The following IGSF11 variants were observed in gnomAD, a reference collection of about 807,000 sequenced individuals.
IGSF11 encodes the protein CXADR like 1.
IGSF11 carries 22 observed loss-of-function variants against 41.0 expected under a neutral mutation model. The observed-to-expected ratio is 0.54, with a 90% CI of 0.38 to 0.77. The LOEUF (loss-of-function observed/expected upper bound fraction) is 0.77. Ranked by LOEUF, IGSF11 falls within the 30% of genes least tolerant of loss-of-function variation. The probability of loss-of-function intolerance (pLI) is 0.00; values close to 1 mark genes in which losing one functional copy is unlikely to be tolerated. For missense variants in IGSF11, 444 were observed against 530.8 expected (o/e 0.84, Z 1.61); for synonymous variants, 219 against 201.3 (o/e 1.09, Z -0.74).
At chr3:119,054,493 T>C (rs925390808) in intron 1 of IGSF11, among the ~76,000 whole-genome samples, 1 of 152,110 alleles carries the variant, frequency 6.6e-6, no homozygotes, top group African/African-American at 2.4e-5. Context: ...ACCACCTTAC[T>C]CCTGCAAGAA....
intron 1 of IGSF11, among the ~76,000 whole-genome samples, chr3:119,012,556 C>T (rs1476769819): frequency 6.6e-6 from 1 of 152,152 alleles, no homozygotes; most frequent in Non-Finnish European, 1.5e-5. Context: ...ATACAAATGG[C>T]TATAATTCGG....
intron 1 of IGSF11, among the ~76,000 whole-genome samples, chr3:119,070,886 T>A (rs1354958861): frequency 6.6e-6 from 1 of 152,172 alleles, no homozygotes; most frequent in East Asian, 1.9e-4. Context: ...CATAGCTACT[T>A]TTTTGTCCAA....
In IGSF11 at chr3:119,048,301, A is replaced by C. The variant is rs1439013856; in HGVS notation, c.49+56843T>G. Among the ~76,000 whole-genome samples the C allele has an allele frequency of 3.3e-5, 5 of 152,078 alleles. No individual in the cohort carries two copies. The East Asian group carries it at 5.8e-4, about 18-fold the overall frequency. ...GAAGAATCAAATAGACGCAATAAAAAATGATAAAGGGGATATCACCACCGA... is the reference window on the plus strand; with the variant it reads ...GAAGAATCAAATAGACGCAATAAAACATGATAAAGGGGATATCACCACCGA... On this transcript the variant is annotated intron_variant, in intron 1 of 6. Transcript: ENST00000354673.
In IGSF11 at chr3:119,077,257, A is replaced by G. The variant is rs2076515712; in HGVS notation, c.49+27887T>C. Among the ~76,000 whole-genome samples the G allele has an allele frequency of 3.4e-5, 5 of 149,142 alleles. No homozygotes were observed. The South Asian group carries it at 1.1e-3, about 33-fold the overall frequency. On this transcript the variant is annotated intron_variant, in intron 1 of 6. Coordinates refer to the IGSF11 transcript ENST00000354673. ...CACAGGAAGGGGAACATCACACACC[A>G]GGGCCTGTTGTGGGGTGGGGGAAGG...
At chr3:119,037,789 TAAGAA>T (rs145589265), upstream of IGSF11, among the ~76,000 whole-genome samples, 69 of 152,254 alleles carry the variant, frequency 4.5e-4, no homozygotes, top group East Asian at 0.013. Context: ...GGAACATAAT[TAAGAA>T]AGAAAAATGA....
intron 1 of IGSF11, among the ~76,000 whole-genome samples, chr3:118,940,803 C>T (rs1037245019): frequency 1.4e-4 from 21 of 149,758 alleles, no homozygotes; most frequent in Admixed American, 2.7e-4. Context: ...TTGATTCATA[C>T]ATAAATGGGC....
At chr3:119,096,921 A>G (rs978340244) in intron 1 of IGSF11, among the ~76,000 whole-genome samples, 1 of 152,148 alleles carries the variant, frequency 6.6e-6, no homozygotes, top group Admixed American at 6.5e-5. Flanking sequence ...AGAAGTTCCC[A>G]TGTTTGTAAG....
intron 1 of IGSF11, among the ~76,000 whole-genome samples, chr3:118,977,672 T>C (rs558774867): frequency 1.0e-3 from 159 of 152,254 alleles, no homozygotes; most frequent in African/African-American, 3.6e-3. Context: ...GAGACCCCAG[T>C]GGTCCACATT....
intron 1 of IGSF11, among the ~76,000 whole-genome samples, chr3:119,007,773 AT>A (rs1046999763): frequency 1.3e-5 from 2 of 152,164 alleles, no homozygotes; most frequent in African/African-American, 4.8e-5. Flanking sequence ...CCCTTGCTTT[AT>A]GCCTTCAAAA....
chr3:119,092,120 T>G (rs958200677), intron 1 of IGSF11, among the ~76,000 whole-genome samples: 1 of 151,950 alleles, frequency 6.6e-6, no homozygotes, highest in Non-Finnish European at 1.5e-5. Context: ...CAAGCAATTT[T>G]CATGCCTCAG....
intron 1 of IGSF11, among the ~76,000 whole-genome samples, chr3:119,111,199 T>C (rs12497386): frequency 0.074 from 11,301 of 152,274 alleles, 547 homozygotes; most frequent in Admixed American, 0.16. Context: ...CCAACTTGGT[T>C]CCATTCTCCC....
At chr3:119,084,698 A>G (rs2076641805) in intron 1 of IGSF11, among the ~76,000 whole-genome samples, 1 of 152,200 alleles carries the variant, frequency 6.6e-6, no homozygotes, top group Admixed American at 6.5e-5. Flanking sequence ...AAGCGTGCAT[A>G]CAGTGCAGGC....
chr3:119,128,011 C>T (rs2077425942), intron 1 of IGSF11, among the ~76,000 whole-genome samples: 1 of 152,110 alleles, frequency 6.6e-6, no homozygotes. Context: ...TGCAAAACAA[C>T]CAAAGAGCAT....
intron 1 of IGSF11, among the ~76,000 whole-genome samples, chr3:119,043,626 C>A (rs1012689091): frequency 1.3e-5 from 2 of 152,170 alleles, no homozygotes; most frequent in Admixed American, 6.5e-5. Flanking sequence ...TTGCAAAAAA[C>A]TGCAACCAAG....
intron 1 of IGSF11, among the ~76,000 whole-genome samples, chr3:119,097,684 C>G (rs1211424504): frequency 6.6e-6 from 1 of 152,134 alleles, no homozygotes; most frequent in Non-Finnish European, 1.5e-5. Context: ...TTCAAGAATC[C>G]AGGTGGAAAA....
At position 119,140,653 on chromosome 3, in the gene IGSF11, G is replaced by A. The variant is rs114416613; in HGVS notation, c.-14+5160C>T. Among the ~76,000 whole-genome samples, 1,509 of 152,100 alleles carry A rather than the reference G, an allele frequency of 9.9e-3. 19 individuals carry two copies. The highest frequency in any genetic ancestry group is 0.034 in the African/African-American group (1,402 of 41,472). ...CTTCTAGAGAACATTCCGCCCAACC[G>A]CAGCAGAATATACATTCTTTTAAGT... is the stretch of plus-strand genomic sequence containing the variant. On this transcript the variant is annotated intron_variant, in intron 1 of 7. Transcript: ENST00000425327.
At chr3:119,130,273 G>A (rs2077463341) in intron 1 of IGSF11, among the ~76,000 whole-genome samples, 1 of 152,184 alleles carries the variant, frequency 6.6e-6, no homozygotes, top group African/African-American at 2.4e-5. Context: ...CCCAGAAAGT[G>A]CAAAGGGTTG....
intron 1 of IGSF11, among the ~76,000 whole-genome samples, chr3:118,946,202 A>ACG (rs199605032): frequency 0.025 from 3,730 of 146,794 alleles, 83 homozygotes; most frequent in East Asian, 0.066. Context: ...ACACACACAC[A>ACG]CGCACACACA....
At chr3:119,014,999 C>T (rs1292704386) in intron 1 of IGSF11, among the ~76,000 whole-genome samples, 1 of 147,884 alleles carries the variant, frequency 6.8e-6, no homozygotes, top group African/African-American at 2.6e-5. Flanking sequence ...ACTAAAACAA[C>T]TTGGAAGTAT....
Sources: allele counts gnomAD v4.1 joint callset (sites outside exome capture counted in the v4.1 genomes callset), GRCh38; gene constraint gnomAD v4.1.1; transcripts MANE v1.5; gene names NCBI Gene and HGNC (gene_info 2026-07-23, HGNC 2026-07-21).